The following ARID3B variants were observed in gnomAD, a reference collection of about 807,000 sequenced individuals.
ARID3B encodes AT-rich interactive domain-containing protein 3B.
Under a neutral mutation model 51.9 loss-of-function variants are expected in ARID3B, and 10 were observed. That is an observed-to-expected ratio of 0.19 (90% CI 0.12 to 0.33). The LOEUF is 0.33. Among genes scored for constraint, ARID3B ranks in the 10% least tolerant of loss-of-function variants. ARID3B has a pLI of 1.00. For missense variants in ARID3B, 483 were observed against 716.3 expected, an observed-to-expected ratio of 0.67 and a Z score of 3.72; for synonymous variants, 205 against 279.5, an observed-to-expected ratio of 0.73 and a Z score of 2.66.
At chr15:74,594,372 T>C (rs566342132) in intron 8 of ARID3B, among the ~76,000 whole-genome samples, 10 of 151,948 alleles carry the variant, frequency 6.6e-5, no homozygotes, top group East Asian at 3.9e-4. Flanking sequence ...GGCGTGAACC[T>C]GGGAGGCAGA....
chr15:74,543,619 GCTA>G (rs2061602245), intron 1 of ARID3B, among the ~76,000 whole-genome samples: 1 of 151,972 alleles, frequency 6.6e-6, no homozygotes, highest in African/African-American at 2.4e-5. Context: ...TTTAAAGCCT[GCTA>G]CTACTACTGA....
At chr15:74,580,741 T>G (rs1321903914) in intron 4 of ARID3B, among the ~76,000 whole-genome samples, 1 of 152,164 alleles carries the variant, frequency 6.6e-6, no homozygotes, top group Admixed American at 6.5e-5. Context: ...TTTGAGAAAC[T>G]TGTTCCCTAG....
intron 4 of ARID3B, among the ~76,000 whole-genome samples, chr15:74,576,971 T>C (rs2061740443): frequency 1.3e-5 from 2 of 152,162 alleles, no homozygotes; most frequent in Admixed American, 6.5e-5. Context: ...TGAAGAGCCA[T>C]GTTTGCCCAA....
intron 2 of ARID3B, among the ~76,000 whole-genome samples, chr15:74,567,169 TC>T (rs985729169): frequency 6.6e-6 from 1 of 152,180 alleles, no homozygotes; most frequent in Non-Finnish European, 1.5e-5. Flanking sequence ...ACAGCCCCTT[TC>T]AACTTTAACT....
intron 4 of ARID3B, among the ~76,000 whole-genome samples, chr15:74,575,775 A>G (rs544605803): frequency 7.9e-5 from 12 of 152,320 alleles, no homozygotes; most frequent in Non-Finnish European, 1.5e-5. Flanking sequence ...TGCTGGCATT[A>G]CCAACAGAAG....
At chr15:74,570,590 C>T (rs921659109) in intron 2 of ARID3B, among the ~76,000 whole-genome samples, 2 of 149,726 alleles carry the variant, frequency 1.3e-5, no homozygotes, top group Non-Finnish European at 3.0e-5. Flanking sequence ...GGGAATTGAG[C>T]TGCCGCAGTA....
In ARID3B at chr15:74,589,328, C is replaced by T. The variant is rs541935006; in HGVS notation, c.698-492C>T. On this transcript the variant is annotated intron_variant, in intron 4 of 8. Coordinates refer to ENST00000346246, the MANE Select transcript of ARID3B (RefSeq NM_006465.4). ...ACAGGCGTGAGCCACCGCACCCAGC[C>T]AGCGAGCACACTCTTATAAGCAGCA... Among the ~76,000 whole-genome samples, 9 of 152,182 alleles carry T rather than the reference C, an allele frequency of 5.9e-5. 1 individual carries two copies. In the South Asian group the frequency reaches 1.7e-3, roughly 28 times the overall value.
At chr15:74,560,031 T>TAAAAAAAAAAAAAAAAAACAAA (rs71137394) in intron 2 of ARID3B, among the ~76,000 whole-genome samples, 1 of 35,640 alleles carries the variant, frequency 2.8e-5, no homozygotes, top group African/African-American at 1.4e-4. Flanking sequence ...CTGTCTCTAC[T>TAAAAAAAAAAAAAAAAAACAAA]AAAAAAAAAA....
At chr15:74,543,217 A>G (rs1196349009) in intron 1 of ARID3B, among the ~76,000 whole-genome samples, 1 of 152,182 alleles carries the variant, frequency 6.6e-6, no homozygotes. Flanking sequence ...TTTTGAGGCT[A>G]TAATGTCCAG....
rs114518878 is a variant in ARID3B at position 74,584,840 on chromosome 15, G to A, written c.698-4980G>A. Among the ~76,000 whole-genome samples the A allele has an allele frequency of 2.8e-3, 433 of 152,308 alleles. 2 individuals carry two copies. The highest frequency in any genetic ancestry group is 9.8e-3 in the African/African-American group (407 of 41,564). On this transcript the variant is annotated intron_variant, in intron 4 of 8. Coordinates refer to ENST00000346246, the MANE Select transcript of ARID3B (RefSeq NM_006465.4). ...CGCCCAGCGGCATTCCCACCAACAA[G>A]GGTTAAAGCCCCAGGAGTCCCGCCA...
intron 2 of ARID3B, among the ~76,000 whole-genome samples, chr15:74,560,535 T>C (rs2061676163): frequency 6.6e-6 from 1 of 152,248 alleles, no homozygotes; most frequent in Non-Finnish European, 1.5e-5. Context: ...TTCGTGTTTT[T>C]ATAATTATTT....
intron 4 of ARID3B, among the ~76,000 whole-genome samples, chr15:74,584,907 C>T (rs572999707): frequency 2.6e-5 from 4 of 152,328 alleles, no homozygotes; most frequent in Admixed American, 2.0e-4. Flanking sequence ...CTTTTACATC[C>T]GTCCCTCAGG....
chr15:74,589,061 A>G (rs1324263778), intron 4 of ARID3B, among the ~76,000 whole-genome samples: 1 of 70,166 alleles, frequency 1.4e-5, no homozygotes, highest in Non-Finnish European at 2.2e-5. Flanking sequence ...AGACAGTCTC[A>G]CTGTCGCCCA....
rs71137394 is a variant in ARID3B at position 74,560,031 on chromosome 15, T to TAAAAAAAAAAA, written c.553-12821_553-12820insAAAAAAAAAAA. Among the ~76,000 whole-genome samples the TAAAAAAAAAAA allele has an allele frequency of 1.3e-3, 46 of 35,628 alleles. 6 individuals are homozygous for TAAAAAAAAAAA. Among genetic ancestry groups the TAAAAAAAAAAA allele is most frequent in the African/African-American group, 5.7e-3 (42 of 7,340 alleles). The allele number at this position is 35,628 out of a possible 152,430, so 23.4% of individuals were successfully genotyped here. ...CAACATGGCGAAACCCTGTCTCTAC[T>TAAAAAAAAAAA]AAAAAAAAAACCACACACACAAAAA... On this transcript the variant is annotated intron_variant, in intron 2 of 8. Transcript: ENST00000346246.
rs371221074 is a variant in ARID3B at position 74,560,838 on chromosome 15, T to C, written c.553-12024T>C. ...ATTTCTGTGGTGGGATAGATTATTA[T>C]AGATGTTGATTAGGTGTCTATGTAT... is the stretch of plus-strand genomic sequence containing the variant. On this transcript the variant is annotated intron_variant, in intron 2 of 8. Coordinates refer to ENST00000346246, the MANE Select transcript of ARID3B (RefSeq NM_006465.4). 1.1e-3 allele frequency among the ~76,000 whole-genome samples: 160 copies of C among 152,358 alleles called. 13 individuals are homozygous for C. In the South Asian group the frequency reaches 0.032, roughly 31 times the overall value.
chr15:74,591,572 C>A lies in ARID3B; in HGVS notation c.1178C>A (p.Pro393Gln). The A allele has an allele frequency of 6.2e-7, 1 of 1,610,640 alleles. No individual in the cohort carries two copies. The highest frequency in any genetic ancestry group is 8.5e-7 in the Non-Finnish European group (1 of 1,177,704). The change falls in exon 7 of 9, where the codon CCA (proline) becomes CAA (glutamine). Residue 393 changes from proline (P) to glutamine (Q), a missense_variant. Physicochemically the swap from Pro to Gln is moderately conservative, Grantham distance 76 (BLOSUM62 -1). Around this residue, in one of 3 missense-constraint regions of ARID3B, gnomAD observed 265 missense variants for 354.4 expected, o/e 0.75. Coordinates refer to ENST00000346246, the MANE Select transcript of ARID3B (RefSeq NM_006465.4). The surrounding 1 kb of genome is among the most constrained non-coding windows in gnomAD (Gnocchi z 5.8). Reference sequence around the variant, plus strand: ...AGTTCCTTTGCAGGTGATGGAGCCCCAGTGACAACAGTGCCTGTGCCAAAT... The same window carrying A: ...AGTTCCTTTGCAGGTGATGGAGCCCAAGTGACAACAGTGCCTGTGCCAAAT... The part of the protein sequence containing the change: ...ATTLRKGDGA[P>Q]VTTVPVPNRL...
chr15:74,572,920 G>A lies in ARID3B; in HGVS notation c.611G>A (p.Arg204Gln), dbSNP rs747870404. ...ADGGRGREIS[R>Q]DFAKLYELDG... Reference sequence around the variant, plus strand: ...GGAGGCCGGGGAAGAGAGATCTCTCGAGATTTTGCCAAGGTCTGTAATACT... The same window carrying A: ...GGAGGCCGGGGAAGAGAGATCTCTCAAGATTTTGCCAAGGTCTGTAATACT... The change falls in exon 3 of 9, where the codon CGA becomes CAA. Residue 204 changes from arginine (R) to glutamine (Q), a missense_variant. Around this residue, in one of 3 missense-constraint regions of ARID3B, gnomAD observed 182 missense variants for 244.5 expected, o/e 0.74. Coordinates refer to ENST00000346246, the MANE Select transcript of ARID3B (RefSeq NM_006465.4). 8.1e-6 allele frequency: 13 copies of A among 1,614,084 alleles called. No homozygotes were observed. The highest frequency in any genetic ancestry group is 2.2e-5 in the East Asian group (1 of 44,902).
chr15:74,556,396 CAAAG>C (rs1382561963), intron 2 of ARID3B, among the ~76,000 whole-genome samples: 1 of 152,140 alleles, frequency 6.6e-6, no homozygotes, highest in African/African-American at 2.4e-5. Flanking sequence ...ATGGTAACAT[CAAAG>C]ATGACTGATC....
chr15:74,570,964 G>A (rs544065380), intron 2 of ARID3B, among the ~76,000 whole-genome samples: 1 of 152,294 alleles, frequency 6.6e-6, no homozygotes, highest in African/African-American at 2.4e-5. Flanking sequence ...ATCCAACAAT[G>A]TCTGCCTTGA....
Sources: allele counts gnomAD v4.1 joint callset (sites outside exome capture counted in the v4.1 genomes callset), GRCh38; gene constraint gnomAD v4.1.1; regional missense constraint gnomAD v4.1.1; non-coding constraint Gnocchi (gnomAD v3.1); transcripts MANE v1.5; gene names NCBI Gene and HGNC (gene_info 2026-07-23, HGNC 2026-07-21).